PVT1: variants seen among roughly 807,000 people sequenced by gnomAD.
PVT1 encodes Pvt1 oncogene.
intron 3 of PVT1, among the ~76,000 whole-genome samples, chr8:127,943,601 C>T (rs1039643257): frequency 5.9e-5 from 9 of 152,156 alleles, no homozygotes; most frequent in African/African-American, 1.7e-4. Flanking sequence ...CTCTGTCAGT[C>T]GCAACCCCAG....
chr8:127,997,963 A>C (rs1339543519), intron 4 of PVT1, among the ~76,000 whole-genome samples: 1 of 152,142 alleles, frequency 6.6e-6, no homozygotes, highest in African/African-American at 2.4e-5. Context: ...ATTTCATAGA[A>C]CGTACCTCTG....
chr8:127,952,910 G>A (rs1024405843), intron 3 of PVT1, among the ~76,000 whole-genome samples: 6 of 152,104 alleles, frequency 3.9e-5, no homozygotes, highest in South Asian at 2.1e-4. Context: ...GACTACAGGC[G>A]CCCGCCACCA....
chr8:127,929,489 A>G (rs1239086990), intron 3 of PVT1, among the ~76,000 whole-genome samples: 1 of 152,204 alleles, frequency 6.6e-6, no homozygotes, highest in Non-Finnish European at 1.5e-5. Flanking sequence ...CTGTGCTCCC[A>G]GGGAAAATTT....
chr8:127,905,056 T>C (rs1358481744), intron 3 of PVT1, among the ~76,000 whole-genome samples: 2 of 152,194 alleles, frequency 1.3e-5, no homozygotes, highest in Admixed American at 1.3e-4. Flanking sequence ...TGCTGATAAG[T>C]CCCTGTGGTG....
intron 4 of PVT1, among the ~76,000 whole-genome samples, chr8:128,033,223 G>A (rs181304757): frequency 2.0e-4 from 30 of 152,312 alleles, no homozygotes; most frequent in African/African-American, 7.0e-4. Context: ...ATGATTCTCC[G>A]AGGCTCTGTG....
At chr8:128,098,382 G>A (rs1283518098) in intron 6 of PVT1, among the ~76,000 whole-genome samples, 2 of 152,124 alleles carry the variant, frequency 1.3e-5, no homozygotes, top group African/African-American at 4.8e-5. Flanking sequence ...GTGCAGGAGG[G>A]GGTGCGAATG....
rs71300279 is a variant in PVT1 at position 127,921,854 on chromosome 8, G to GTTTTTTTTTTTTTTT, written n.782+30866_782+30880dup. ...AAAAAAATTATAATTTTTGGTTCAT[G>GTTTTTTTTTTTTTTT]TTTTTTTTTTTTTTTTTTTTTTTTG... is the stretch of plus-strand genomic sequence containing the variant. On this transcript the variant is annotated intron_variant and non_coding_transcript_variant, in intron 3 of 10. Coordinates refer to ENST00000651587, the Ensembl canonical transcript of PVT1. Among the ~76,000 whole-genome samples, 12 of 71,924 alleles carry GTTTTTTTTTTTTTTT rather than the reference G, an allele frequency of 1.7e-4. 1 individual carries two copies. The East Asian group carries it at 3.0e-3, about 18-fold the overall frequency. 47.2% of individuals were successfully genotyped at this position (71,924 alleles called of 152,430 possible).
At chr8:127,795,277 G>C (rs900336111) in intron 1 of PVT1, among the ~76,000 whole-genome samples, 3 of 152,128 alleles carry the variant, frequency 2.0e-5, no homozygotes, top group African/African-American at 7.2e-5. Flanking sequence ...TTCTTGGCTG[G>C]GCTGTTGATT....
At chr8:127,838,685 A>C (rs1161141509) in intron 2 of PVT1, among the ~76,000 whole-genome samples, 1 of 152,206 alleles carries the variant, frequency 6.6e-6, no homozygotes, top group Non-Finnish European at 1.5e-5. Context: ...AACCTGGTCA[A>C]CAGAGTGAGC....
chr8:128,100,176 T>C (rs1259944441), intron 6 of PVT1, among the ~76,000 whole-genome samples: 1 of 122,214 alleles, frequency 8.2e-6, no homozygotes, highest in East Asian at 2.7e-4. Flanking sequence ...CCTCCCTCCC[T>C]TCCTTCCCTC....
At chr8:127,822,606 A>G (rs571071170) in intron 2 of PVT1, among the ~76,000 whole-genome samples, 1 of 152,260 alleles carries the variant, frequency 6.6e-6, no homozygotes, top group Admixed American at 6.5e-5. Flanking sequence ...AATAAATTCA[A>G]TGCAGTGATT....
chr8:128,085,785 G>A lies in PVT1; in HGVS notation n.1115-10733G>A, dbSNP rs897971497. ...GATATTGAAATTTGAAAAGATGTATGTCTTAGCATCTTTGATTTAAAGACT... is the reference window on the plus strand; with the variant it reads ...GATATTGAAATTTGAAAAGATGTATATCTTAGCATCTTTGATTTAAAGACT... On this transcript the variant is annotated intron_variant and non_coding_transcript_variant, in intron 5 of 10. Coordinates refer to ENST00000651587, the Ensembl canonical transcript of PVT1. Among the ~76,000 whole-genome samples, 3 of 152,190 alleles carry A rather than the reference G, an allele frequency of 2.0e-5. No homozygotes were observed. In the South Asian group the frequency reaches 6.2e-4, roughly 31 times the overall value.
intron 6 of PVT1, among the ~76,000 whole-genome samples, chr8:128,098,321 A>G (rs980786744): frequency 6.6e-6 from 1 of 152,170 alleles, no homozygotes. Context: ...CTGAACTTCT[A>G]GGCGGAGCAG....
intron 4 of PVT1, among the ~76,000 whole-genome samples, chr8:127,999,970 A>G (rs1817156467): frequency 6.6e-6 from 1 of 152,194 alleles, no homozygotes; most frequent in Non-Finnish European, 1.5e-5. Context: ...TGTCCTGCCT[A>G]GATGTTTGCA....
chr8:127,840,934 T>G (rs1488493578), intron 2 of PVT1, among the ~76,000 whole-genome samples: 1 of 152,232 alleles, frequency 6.6e-6, no homozygotes, highest in Admixed American at 6.5e-5. Flanking sequence ...TTCAGACAGC[T>G]TCCAGTTCTG....
chr8:127,873,578 C>A (rs1380924726), intron 2 of PVT1, among the ~76,000 whole-genome samples: 1 of 152,076 alleles, frequency 6.6e-6, no homozygotes, highest in Non-Finnish European at 1.5e-5. Context: ...ATTTTATCCT[C>A]CCAGCAGGTA....
intron 2 of PVT1, among the ~76,000 whole-genome samples, chr8:127,881,436 T>TATC (rs1198479446): frequency 3.7e-5 from 2 of 54,716 alleles, no homozygotes; most frequent in Non-Finnish European, 5.7e-5. Context: ...ATTGTTATTA[T>TATC]ATTATTATTA....
chr8:127,920,819 A>T (rs1253671122), intron 3 of PVT1, among the ~76,000 whole-genome samples: 1 of 152,234 alleles, frequency 6.6e-6, no homozygotes, highest in Non-Finnish European at 1.5e-5. Context: ...GTAAAACCAT[A>T]GTTTGTATTC....
chr8:128,064,617 A>G (rs1813879505), intron 4 of PVT1, among the ~76,000 whole-genome samples: 1 of 152,188 alleles, frequency 6.6e-6, no homozygotes, highest in East Asian at 1.9e-4. Flanking sequence ...TTTTTACCGA[A>G]CATCTGAGAG....
Sources: allele counts gnomAD v4.1 joint callset (sites outside exome capture counted in the v4.1 genomes callset), GRCh38; gene constraint gnomAD v4.1.1; transcripts MANE v1.5; gene names NCBI Gene and HGNC (gene_info 2026-07-23, HGNC 2026-07-21).